Variants in DLGAP4 observed in about 807,000 individuals in gnomAD.
DLGAP4 encodes the protein disks large-associated protein 4.
In DLGAP4, 18 loss-of-function variants were observed where a neutral mutation model predicts 86.9. The observed-to-expected ratio is 0.21, with a 90% CI of 0.14 to 0.31. The LOEUF is 0.31. Ranked by LOEUF, DLGAP4 falls within the 10% of genes least tolerant of loss-of-function variation. The pLI, the probability that DLGAP4 is intolerant of heterozygous loss-of-function variation, is 1.00. For synonymous variants in DLGAP4, 548 were observed against 574.3 expected (o/e 0.95, Z 0.65); for missense variants, 1,085 against 1,362.6 (o/e 0.80, Z 3.21).
chr20:36,482,323 G>A (rs1169499907), intron 7 of DLGAP4, among the ~76,000 whole-genome samples: 3 of 152,218 alleles, frequency 2.0e-5, no homozygotes, highest in Non-Finnish European at 4.4e-5. Flanking sequence ...CACAGCCTAT[G>A]ACAGTTGGTG....
intron 2 of DLGAP4, among the ~76,000 whole-genome samples, chr20:36,429,144 A>G (rs547919421): frequency 6.6e-6 from 1 of 152,230 alleles, no homozygotes; most frequent in Non-Finnish European, 1.5e-5. Flanking sequence ...CAGTGGCACA[A>G]TCTCGGCTCA....
rs1196569720 is a variant in DLGAP4, at chr20:36,438,331, G to GCC, written c.1242-1422_1242-1421dup. Among the ~76,000 whole-genome samples, 5 of 151,094 alleles carry GCC rather than the reference G, an allele frequency of 3.3e-5. No individual in the cohort carries two copies. The Admixed American group carries it at 3.3e-4, about 10-fold the overall frequency. On this transcript the variant is annotated intron_variant, in intron 4 of 12. Transcript: ENST00000339266. ...AGAGGTTGCAGGGAGCTGAGATCGT[G>GCC]CCACTGCACTCCAGCCTGGGTGACA... is the stretch of plus-strand genomic sequence containing the variant.
chr20:36,325,926 C>T (rs566468459), intron 1 of DLGAP4, among the ~76,000 whole-genome samples: 1 of 152,118 alleles, frequency 6.6e-6, no homozygotes, highest in East Asian at 1.9e-4. Context: ...CTATGTTGAC[C>T]AGACTGGTCT....
intron 7 of DLGAP4, among the ~76,000 whole-genome samples, chr20:36,480,929 C>T (rs1430250084): frequency 6.6e-6 from 1 of 152,102 alleles, no homozygotes; most frequent in East Asian, 1.9e-4. Context: ...TTGCTTGAGC[C>T]CGGGCTATCA....
At chr20:36,499,070 C>A in intron 8 of DLGAP4, 2 of 638,338 alleles carry the variant, frequency 3.1e-6, no homozygotes, top group South Asian at 2.0e-5. Context: ...TTAGTGCAGG[C>A]GCCTCTGGCC....
At chr20:36,499,353 C>CCCCAA in intron 8 of DLGAP4, 1 of 1,601,918 alleles carries the variant, frequency 6.2e-7, no homozygotes, top group Non-Finnish European at 8.5e-7. Context: ...CACCCCATCC[C>CCCCAA]ACCTCCCGCC....
chr20:36,479,090 T>C (rs982100982), intron 7 of DLGAP4, among the ~76,000 whole-genome samples: 1 of 152,216 alleles, frequency 6.6e-6, no homozygotes, highest in Non-Finnish European at 1.5e-5. Flanking sequence ...GATTGGTAGA[T>C]GTTCTTTCAA....
chr20:36,439,988 T>G (rs1412752729), intron 5 of DLGAP4, 120 bp downstream of exon 5: 1 of 837,938 alleles, frequency 1.2e-6, no homozygotes, highest in East Asian at 2.7e-5. Context: ...GCACTGTGCT[T>G]CTGTTTGGTC....
chr20:36,499,467 C>CTT, intron 8 of DLGAP4, 121 bp from the exon 9 acceptor site: 1 of 1,348,728 alleles, frequency 7.4e-7, no homozygotes, highest in South Asian at 1.3e-5. Context: ...TGCCTCGTGT[C>CTT]TGTCTGTCCA....
chr20:36,513,851 C>T (rs138583457), intron 10 of DLGAP4, among the ~76,000 whole-genome samples: 7 of 152,160 alleles, frequency 4.6e-5, no homozygotes, highest in African/African-American at 1.2e-4. Context: ...TAGGAAATGT[C>T]GATCTGGGGG....
At chr20:36,396,669 C>T (rs1431307314) in intron 2 of DLGAP4, among the ~76,000 whole-genome samples, 1 of 149,580 alleles carries the variant, frequency 6.7e-6, no homozygotes, top group African/African-American at 2.4e-5. Flanking sequence ...ACACACATAC[C>T]ACATACACAT....
chr20:36,378,349 C>T (rs188535268), intron 2 of DLGAP4, among the ~76,000 whole-genome samples: 225 of 152,300 alleles, frequency 1.5e-3, no homozygotes, highest in African/African-American at 5.2e-3. Flanking sequence ...GCTAAATGCA[C>T]AACAAATACT....
At chr20:36,461,461 C>T (rs2034041367) in intron 7 of DLGAP4, 2 of 981,386 alleles carry the variant, frequency 2.0e-6, no homozygotes, top group Non-Finnish European at 2.4e-6. Flanking sequence ...AGCCCCGCCC[C>T]TCGGGCGTAC....
chr20:36,461,487 G>A (rs2034043340), intron 7 of DLGAP4: 3 of 982,024 alleles, frequency 3.1e-6, no homozygotes, highest in South Asian at 9.0e-5. Flanking sequence ...CGGAGCCTCG[G>A]GCCGGGCTGC....
intron 10 of DLGAP4, among the ~76,000 whole-genome samples, chr20:36,522,567 C>G (rs1445128034): frequency 1.3e-5 from 2 of 152,238 alleles, no homozygotes; most frequent in African/African-American, 4.8e-5. Flanking sequence ...GCCACCCACG[C>G]TGGAGCGTAG....
At chr20:36,479,594 G>C (rs920847635) in intron 7 of DLGAP4, among the ~76,000 whole-genome samples, 1 of 152,166 alleles carries the variant, frequency 6.6e-6, no homozygotes, top group Non-Finnish European at 1.5e-5. Flanking sequence ...TGCTGGAACT[G>C]ATACCTAAAG....
intron 10 of DLGAP4, chr20:36,508,932 A>G (rs781444300): frequency 6.6e-6 from 1 of 152,244 alleles, no homozygotes; most frequent in Non-Finnish European, 1.5e-5. Context: ...CCATTTCCCT[A>G]GTATACTTAC....
intron 2 of DLGAP4, among the ~76,000 whole-genome samples, chr20:36,404,387 T>C (rs1322655366): frequency 6.6e-6 from 1 of 152,114 alleles, no homozygotes; most frequent in Non-Finnish European, 1.5e-5. Flanking sequence ...CCAAAGTCCA[T>C]GAGAGGCACC....
At chr20:36,516,668 GAAAAAAAAA>G (rs747235286) in intron 10 of DLGAP4, among the ~76,000 whole-genome samples, 8 of 77,080 alleles carry the variant, frequency 1.0e-4, no homozygotes, top group South Asian at 4.2e-4. Context: ...TCCGTCTCAG[GAAAAAAAAA>G]AAAAAAAAAA....
Sources: allele counts gnomAD v4.1 joint callset (sites outside exome capture counted in the v4.1 genomes callset), GRCh38; gene constraint gnomAD v4.1.1; transcripts MANE v1.5; gene names NCBI Gene and HGNC (gene_info 2026-07-23, HGNC 2026-07-21).